Variants in KPNB1 observed in about 807,000 individuals in gnomAD.
The protein encoded by KPNB1 is karyopherin subunit beta 1.
Under a neutral mutation model 113.0 loss-of-function variants are expected in KPNB1, and 7 were observed. The ratio of observed to expected loss-of-function variants is 0.06; its 90% confidence interval spans 0.04 to 0.12. KPNB1 has a LOEUF of 0.12. Ranked by LOEUF, KPNB1 falls within the 10% of genes least tolerant of loss-of-function variation. The probability of loss-of-function intolerance (pLI) is 1.00; values close to 1 mark genes in which losing one functional copy is unlikely to be tolerated. For missense variants in KPNB1, 400 were observed against 1,054.8 expected (o/e 0.38, Z 8.60); for synonymous variants, 363 against 378.6 (o/e 0.96, Z 0.48).
intron 7 of KPNB1, 22 bp downstream of exon 7, chr17:47,663,200 A>C (rs1397903526): frequency 8.0e-7 from 1 of 1,252,078 alleles, no homozygotes; most frequent in South Asian, 1.2e-5. Flanking sequence ...TATTTATGTG[A>C]TTTGAGCTTG....
rs780926981 is a variant in KPNB1, at chr17:47,657,025, A to C, written c.448A>C (p.Thr150Pro). Residue 150 changes from threonine (T) to proline (P), a missense_variant, in exon 4 of 22, where the codon ACA becomes CCA. By Grantham distance (38) the Thr-to-Pro change is conservative. Coordinates refer to ENST00000290158, the MANE Select transcript of KPNB1 (RefSeq NM_002265.6). ...CAGCACAGAGCACATGAAGGAGTCG[A>C]CATTGGAAGCCATCGGTTATATTTG... ...PNSTEHMKES[T>P]LEAIGYICQD... 1.2e-6 allele frequency: 2 copies of C among 1,614,068 alleles called. No homozygotes were observed.
chr17:47,653,583 A>G (rs1915639219), intron 3 of KPNB1, among the ~76,000 whole-genome samples: 3 of 152,184 alleles, frequency 2.0e-5, no homozygotes, highest in Non-Finnish European at 4.4e-5. Context: ...TCTGTCTTAC[A>G]TGGGTAAGGC....
At chr17:47,659,118 G>C (rs909249241) in intron 5 of KPNB1, among the ~76,000 whole-genome samples, 4 of 152,164 alleles carry the variant, frequency 2.6e-5, no homozygotes, top group African/African-American at 9.7e-5. Context: ...GGAGGCTGAG[G>C]CGGGTGGATC....
At chr17:47,650,579 C>G in intron 2 of KPNB1, 135 bp downstream of exon 2, 2 of 762,148 alleles carry the variant, frequency 2.6e-6, no homozygotes, top group Non-Finnish European at 2.1e-6. Flanking sequence ...CCCCCTCCCC[C>G]CCCAACCCGG....
In KPNB1 at chr17:47,657,171, GCA is replaced by G; in HGVS notation, c.483+114_483+115del. 4.5e-6 allele frequency: 4 copies of G among 890,470 alleles called. No homozygotes were observed. The South Asian group carries it at 6.2e-5, about 14-fold the overall frequency. The allele number at this position is 890,470 out of a possible 1,614,324, so 55.2% of individuals were successfully genotyped here. On this transcript the variant is annotated intron_variant, in intron 4 of 21. Transcript: ENST00000290158. ...ATCACGAAGAAAGCCAAGCTAAATT[GCA>G]CAGTTTTGAAAGTGAGACTGATTTA...
At chr17:47,671,110 A>C (rs1387357444) in intron 12 of KPNB1, among the ~76,000 whole-genome samples, 1 of 152,234 alleles carries the variant, frequency 6.6e-6, no homozygotes, top group African/African-American at 2.4e-5. Flanking sequence ...ACAAAAAATT[A>C]GCCGGGCGTG....
At chr17:47,661,211 A>C (rs764778716) in intron 6 of KPNB1, 33 bp downstream of exon 6, 3 of 1,519,398 alleles carry the variant, frequency 2.0e-6, no homozygotes, top group Non-Finnish European at 2.7e-6. Flanking sequence ...AATCTGTCTT[A>C]CATCTTTCTT....
In KPNB1 at chr17:47,650,259, C is replaced by G; in HGVS notation, c.15C>G (p.Thr5=). The change falls in exon 1 of 22, where the codon ACC becomes ACG. Residue 5 remains threonine, a synonymous_variant. Coordinates refer to ENST00000290158, the MANE Select transcript of KPNB1 (RefSeq NM_002265.6). MELI[T]ILEKTVSPDR... is the part of the protein sequence containing the mutation. ...CCACCTCCGCCATGGAGCTGATCAC[C>G]ATTCTCGAGAAGACCGTGTCTCCCG... 1 of 1,601,472 alleles carries G rather than the reference C, an allele frequency of 6.2e-7. No individual in the cohort carries two copies. Among genetic ancestry groups the G allele is most frequent in the South Asian group, 1.1e-5 (1 of 90,082 alleles).
Position 47,650,056 on chromosome 17 carries a change from G to A in KPNB1, c.-189G>A. ...AGCCCATTTGGAGGGAGGAAGTAAG[G>A]GAAGAGGAGAGGAAGGGGAGCCGGA... On this transcript the variant is annotated 5_prime_UTR_variant, in exon 1 of 22. Transcript: ENST00000290158. The A allele has an allele frequency of 7.2e-7, 1 of 1,381,594 alleles. No homozygotes were observed. Among genetic ancestry groups the A allele is most frequent in the Non-Finnish European group, 9.3e-7 (1 of 1,073,872 alleles). The allele number at this position is 1,381,594 out of a possible 1,614,324, so 85.6% of individuals were successfully genotyped here.
At chr17:47,652,198 A>G (rs929058851) in intron 2 of KPNB1, among the ~76,000 whole-genome samples, 7 of 152,192 alleles carry the variant, frequency 4.6e-5, no homozygotes, top group African/African-American at 1.7e-4. Flanking sequence ...TGCTGCTGCC[A>G]TGAGATGGAA....
chr17:47,660,493 C>G (rs539188430), intron 5 of KPNB1, among the ~76,000 whole-genome samples: 1 of 152,326 alleles, frequency 6.6e-6, no homozygotes. Flanking sequence ...TTGCCAGGGT[C>G]ATGGTCTGAA....
At chr17:47,655,109 G>C (rs1038388606) in intron 3 of KPNB1, among the ~76,000 whole-genome samples, 1 of 152,216 alleles carries the variant, frequency 6.6e-6, no homozygotes, top group Admixed American at 6.5e-5. Flanking sequence ...AGTCAGCAGA[G>C]CTGGCCTGAA....
At chr17:47,670,606 T>G in intron 11 of KPNB1, 96 bp from the exon 12 acceptor site, 1 of 1,353,370 alleles carries the variant, frequency 7.4e-7, no homozygotes, top group South Asian at 1.6e-5. Flanking sequence ...AAGTTGGAAG[T>G]TCACTGACAC....
intron 3 of KPNB1, among the ~76,000 whole-genome samples, chr17:47,655,796 G>A (rs1157201301): frequency 6.6e-6 from 1 of 152,144 alleles, no homozygotes; most frequent in Admixed American, 6.6e-5. Flanking sequence ...GCCATTTACT[G>A]CTACCTCCTC....
chr17:47,652,291 C>T (rs1298094648), intron 2 of KPNB1, among the ~76,000 whole-genome samples: 1 of 152,174 alleles, frequency 6.6e-6, no homozygotes, highest in Non-Finnish European at 1.5e-5. Context: ...AACAGCCATT[C>T]ATTTAACAAA....
intron 18 of KPNB1, 50 bp downstream of exon 18, chr17:47,678,239 G>C: frequency 1.2e-6 from 2 of 1,612,530 alleles, no homozygotes; most frequent in South Asian, 2.2e-5. Flanking sequence ...TCTAATTGGA[G>C]GGACTATTGA....
At chr17:47,678,850 C>T (rs902421673) in intron 19 of KPNB1, among the ~76,000 whole-genome samples, 7 of 152,192 alleles carry the variant, frequency 4.6e-5, no homozygotes, top group Admixed American at 4.6e-4. Flanking sequence ...TCAATTGATC[C>T]ACCCGCCTTG....
chr17:47,680,786 C>T, intron 21 of KPNB1, 117 bp downstream of exon 21: 10 of 1,025,948 alleles, frequency 9.7e-6, no homozygotes, highest in Non-Finnish European at 1.3e-5. Flanking sequence ...TGTACTTTTT[C>T]CCATGTAGGT....
chr17:47,658,631 G>T lies in KPNB1; in HGVS notation c.607G>T (p.Glu203Ter). The change falls in exon 5 of 22, where the codon GAG (glutamate) becomes TAG (stop). Residue 203 changes from glutamate to a stop codon, truncating the protein, a stop_gained. Coordinates refer to ENST00000290158, the MANE Select transcript of KPNB1 (RefSeq NM_002265.6). LOFTEE classifies it high-confidence loss of function. ...TACGAATGCACTCCTGAACTCATTG[G>T]AGTTCACCAAAGCAAACTTTGATAA... The part of the protein sequence containing the change: ...AATNALLNSL[E>*]FTKANFDKES... 1 of 1,613,778 alleles carries T rather than the reference G, an allele frequency of 6.2e-7. No homozygotes were observed. Among genetic ancestry groups the T allele is most frequent in the Non-Finnish European group, 8.5e-7 (1 of 1,179,898 alleles).
Sources: gnomAD v4.1 joint callset for allele counts (sites outside exome capture counted in the v4.1 genomes callset) on GRCh38, gnomAD v4.1.1 for gene constraint, MANE v1.5 for transcripts, NCBI Gene and HGNC (gene_info 2026-07-23, HGNC 2026-07-21) for gene names.